Variants in ACYP2 observed in about 807,000 individuals in gnomAD.
The protein encoded by ACYP2 is acylphosphatase-2.
ACYP2 carries 12 observed loss-of-function variants against 11.2 expected under a neutral mutation model. The ratio of observed to expected loss-of-function variants is 1.08; its 90% CI spans 0.69 to 1.74. The LOEUF is 1.74. Ranked by LOEUF, ACYP2 falls within the 40% of genes most tolerant of loss-of-function variation. The probability of loss-of-function intolerance (pLI) is 0.00; values close to 1 mark genes in which losing one functional copy is unlikely to be tolerated. For missense variants in ACYP2, 134 were observed against 101.9 expected (o/e 1.31, Z -1.35); for synonymous variants, 43 against 32.2 (o/e 1.33, Z -1.13).
intron 6 of ACYP2, among the ~76,000 whole-genome samples, chr2:54,270,566 A>C (rs1020157055): frequency 6.6e-6 from 1 of 152,174 alleles, no homozygotes; most frequent in Admixed American, 6.6e-5. Flanking sequence ...ATGATCACAC[A>C]ACTACACTCC....
At chr2:54,185,150 T>C (rs1306327198) in intron 6 of ACYP2, among the ~76,000 whole-genome samples, 1 of 152,216 alleles carries the variant, frequency 6.6e-6, no homozygotes, top group African/African-American at 2.4e-5. Context: ...TGGGTGCCCC[T>C]GATTAATCCA....
intron 6 of ACYP2, among the ~76,000 whole-genome samples, chr2:54,276,749 G>A (rs1688610242): frequency 6.6e-6 from 1 of 151,322 alleles, no homozygotes; most frequent in Admixed American, 6.6e-5. Flanking sequence ...GATATTTACT[G>A]GAGAAATTTG....
chr2:54,012,270 G>C (rs1011322884), intron 2 of ACYP2, among the ~76,000 whole-genome samples: 6 of 151,708 alleles, frequency 4.0e-5, no homozygotes, highest in African/African-American at 1.5e-4. Flanking sequence ...GGCTGGACAT[G>C]GTGGCTCACA....
At chr2:54,098,441 A>G (rs532365155) in intron 4 of ACYP2, among the ~76,000 whole-genome samples, 1 of 152,210 alleles carries the variant, frequency 6.6e-6, no homozygotes, top group South Asian at 2.1e-4. Flanking sequence ...TTGATTCATT[A>G]GAGAAACGAG....
chr2:54,219,821 G>GTGTGTATATATA (rs1558622084), intron 6 of ACYP2, among the ~76,000 whole-genome samples: 4 of 142,458 alleles, frequency 2.8e-5, no homozygotes, highest in South Asian at 2.3e-4. Flanking sequence ...TTGTGTATGT[G>GTGTGTATATATA]TGTGTGTATA....
chr2:54,204,858 T>C (rs781591272), intron 6 of ACYP2, among the ~76,000 whole-genome samples: 2 of 152,228 alleles, frequency 1.3e-5, no homozygotes, highest in Non-Finnish European at 2.9e-5. Flanking sequence ...TTTCATTATT[T>C]CTGCTTTGTG....
At chr2:54,040,141 T>C (rs992505236) in intron 2 of ACYP2, among the ~76,000 whole-genome samples, 5 of 151,990 alleles carry the variant, frequency 3.3e-5, no homozygotes, top group African/African-American at 1.2e-4. Flanking sequence ...GTGGTGAGAA[T>C]TGGTCAGATT....
At chr2:54,125,374 T>C (rs548592007) in intron 4 of ACYP2, among the ~76,000 whole-genome samples, 1 of 152,276 alleles carries the variant, frequency 6.6e-6, no homozygotes, top group Non-Finnish European at 1.5e-5. Context: ...CCTTAAAGTC[T>C]AAAATCCCCC....
At chr2:54,054,005 CTG>C (rs1675995346) in intron 3 of ACYP2, among the ~76,000 whole-genome samples, 1 of 152,200 alleles carries the variant, frequency 6.6e-6, no homozygotes, top group Non-Finnish European at 1.5e-5. Flanking sequence ...CACAGACTCT[CTG>C]GGTAGAGGAT....
intron 2 of ACYP2, among the ~76,000 whole-genome samples, chr2:53,982,413 C>T (rs1219298337): frequency 2.0e-5 from 3 of 152,094 alleles, no homozygotes; most frequent in African/African-American, 7.2e-5. Flanking sequence ...TTATTTATGT[C>T]CCCAGAGTGC....
chr2:54,259,310 G>C (rs933971552), intron 6 of ACYP2, among the ~76,000 whole-genome samples: 2 of 152,204 alleles, frequency 1.3e-5, no homozygotes, highest in Non-Finnish European at 2.9e-5. Context: ...AGAGGTCTGA[G>C]ATAGTTATTC....
At chr2:54,161,093 C>T (rs190426957) in intron 6 of ACYP2, among the ~76,000 whole-genome samples, 1 of 152,164 alleles carries the variant, frequency 6.6e-6, no homozygotes, top group South Asian at 2.1e-4. Flanking sequence ...TAAGTTCCAG[C>T]AGTGTGAGTT....
chr2:53,982,358 C>G (rs977190294), intron 2 of ACYP2, among the ~76,000 whole-genome samples: 1 of 152,282 alleles, frequency 6.6e-6, no homozygotes. Flanking sequence ...TATCAAATCC[C>G]TAGTTCTCCA....
intron 6 of ACYP2, among the ~76,000 whole-genome samples, chr2:54,163,908 G>A (rs1233910960): frequency 6.6e-6 from 1 of 152,164 alleles, no homozygotes; most frequent in Non-Finnish European, 1.5e-5. Flanking sequence ...CTGCCGTGGG[G>A]AGCATTGTGC....
chr2:54,007,604 A>G (rs1280004899), intron 2 of ACYP2, among the ~76,000 whole-genome samples: 1 of 152,152 alleles, frequency 6.6e-6, no homozygotes, highest in Non-Finnish European at 1.5e-5. Flanking sequence ...GGTGGCTCAC[A>G]CCTGTAATCC....
At chr2:54,283,009 A>G (rs987102267) in intron 6 of ACYP2, among the ~76,000 whole-genome samples, 7 of 152,192 alleles carry the variant, frequency 4.6e-5, no homozygotes, top group African/African-American at 1.7e-4. Flanking sequence ...AAGAATGAAA[A>G]TATTTCTAAC....
intron 6 of ACYP2, among the ~76,000 whole-genome samples, chr2:54,219,905 A>ATATATTTT (rs1288814375): frequency 0.03 from 2,299 of 75,610 alleles, 67 homozygotes; most frequent in Non-Finnish European, 0.04. Context: ...ATATATATAT[A>ATATATTTT]TTTTTTTTTT....
intron 6 of ACYP2, among the ~76,000 whole-genome samples, chr2:54,175,871 G>A (rs1350942757): frequency 2.6e-5 from 4 of 152,150 alleles, no homozygotes; most frequent in Admixed American, 1.3e-4. Flanking sequence ...TCCCCAGTGT[G>A]ATGGTATTAG....
Position 54,212,744 on chromosome 2 carries a change from G to T in ACYP2, c.404+73996G>T, listed in dbSNP as rs113229476. ...TTGTGTAATCTGCAGCAGCACAGTA[G>T]CCAAACACAGTTGATAAATTACGTT... On this transcript the variant is annotated intron_variant, in intron 6 of 6. Transcript: ENST00000607452. 2.4e-3 allele frequency among the ~76,000 whole-genome samples: 364 copies of T among 152,244 alleles called. 3 individuals are homozygous for T. The highest frequency in any genetic ancestry group is 8.4e-3 in the African/African-American group (350 of 41,542).
Sources: allele counts gnomAD v4.1 joint callset (sites outside exome capture counted in the v4.1 genomes callset), GRCh38; gene constraint gnomAD v4.1.1; transcripts MANE v1.5; gene names NCBI Gene and HGNC (gene_info 2026-07-23, HGNC 2026-07-21).